KCNH3: variants seen among roughly 807,000 people sequenced by gnomAD.
KCNH3 encodes potassium voltage-gated channel subfamily H member 3.
KCNH3 carries 36 observed loss-of-function variants against 95.6 expected under a neutral mutation model. The observed-to-expected ratio is 0.38, with a 90% CI of 0.29 to 0.50. The LOEUF is 0.50. Ranked by LOEUF, KCNH3 falls within the 20% of genes least tolerant of loss-of-function variation. The probability of loss-of-function intolerance (pLI) is 0.95; values close to 1 mark genes in which losing one functional copy is unlikely to be tolerated. For synonymous variants in KCNH3, 620 were observed against 646.3 expected, an observed-to-expected ratio of 0.96 and a Z score of 0.62; for missense variants, 1,030 against 1,484.1, an observed-to-expected ratio of 0.69 and a Z score of 5.03.
chr12:49,551,570 G>A (rs145341510), intron 10 of KCNH3, among the ~76,000 whole-genome samples: 2,312 of 108,804 alleles, frequency 0.021, 79 homozygotes, highest in African/African-American at 0.086. Context: ...GCGAGACTCT[G>A]TCTCAAAAAA....
intron 7 of KCNH3, chr12:49,546,165 C>T (rs893420449): frequency 5.3e-5 from 8 of 152,138 alleles, no homozygotes; most frequent in African/African-American, 1.9e-4. Flanking sequence ...TTAAGAAGAC[C>T]TTCAGCTCCC....
intron 6 of KCNH3, 30 bp from the exon 7 acceptor site, chr12:49,544,145 T>TGCCCAACC: frequency 1.2e-6 from 1 of 818,374 alleles, no homozygotes; most frequent in Non-Finnish European, 2.0e-6. Context: ...CTGACCTCCC[T>TGCCCAACC]CCCTCCCTCC....
Position 49,557,513 on chromosome 12 carries a change from CTG to C in KCNH3, c.2819_2820del (p.Val940GlyfsTer71). On this transcript the variant is annotated frameshift_variant, in exon 15 of 15. Transcript: ENST00000257981. LOFTEE classifies it high-confidence loss of function. ...CAGCACCTCCGGGCTTCTGCAGCCTCTGTGTGTGGACACTGGGGCATCCTCCT... is the reference window on the plus strand; with the variant it reads ...CAGCACCTCCGGGCTTCTGCAGCCTCTGTGTGGACACTGGGGCATCCTCCT... ...PASTSGLLQPLCVDTGASSYC... is the reference protein window; with the variant it reads ...PASTSGLLQPXCVDTGASSYC... The C allele has an allele frequency of 6.2e-7, 1 of 1,611,856 alleles. No individual in the cohort carries two copies.
Position 49,555,903 on chromosome 12 carries a change from T to C in KCNH3, c.2420T>C (p.Leu807Pro), listed in dbSNP as rs200531817. 1.6e-5 allele frequency: 26 copies of C among 1,593,922 alleles called. No homozygotes were observed. In the East Asian group the frequency reaches 5.8e-4, roughly 36 times the overall value. ...PSAPPRALEG[L>P]RLPPMPWNVP... is the part of the protein sequence containing the mutation. Reference sequence around the variant, plus strand: ...GCTCCCCCACGGGCCCTAGAGGGGCTACGGCTGCCCCCCATGCCATGGAAT... The same window carrying C: ...GCTCCCCCACGGGCCCTAGAGGGGCCACGGCTGCCCCCCATGCCATGGAAT... Residue 807 changes from leucine to proline, a missense_variant, in exon 12 of 15, where the codon CTA becomes CCA. Coordinates refer to ENST00000257981, the MANE Select transcript of KCNH3 (RefSeq NM_012284.3).
intron 7 of KCNH3, 56 bp from the exon 8 acceptor site, chr12:49,548,839 C>T (rs1468828066): frequency 2.2e-5 from 32 of 1,482,854 alleles, no homozygotes; most frequent in Admixed American, 6.7e-5. Context: ...CCCCAGGGCC[C>T]GGCATCCTCG....
At position 49,542,770 on chromosome 12, in the gene KCNH3, C is replaced by A. The variant is rs1298717372; in HGVS notation, c.510C>A (p.Ser170Arg). Reference sequence around the variant, plus strand: ...GCTTCAATGCCAACCGGCGGCGGAGCCGGGCCGTGCTCTACCACCTGTCCG... The same window carrying A: ...GCTTCAATGCCAACCGGCGGCGGAGACGGGCCGTGCTCTACCACCTGTCCG... ...SKGFNANRRR[S>R]RAVLYHLSGH... The change falls in exon 4 of 15, where the codon AGC (serine) becomes AGA (arginine). Residue 170 changes from serine to arginine, a missense_variant. Ser to Arg is a moderately radical substitution (Grantham distance 110). Coordinates refer to ENST00000257981, the MANE Select transcript of KCNH3 (RefSeq NM_012284.3). 6.3e-7 allele frequency: 1 copy of A among 1,594,090 alleles called. No homozygotes were observed. The highest frequency in any genetic ancestry group is 1.3e-5 in the African/African-American group (1 of 74,798).
At chr12:49,555,284 C>CA (rs1157061451) in intron 11 of KCNH3, among the ~76,000 whole-genome samples, 6,447 of 66,860 alleles carry the variant, frequency 0.096, 241 homozygotes, top group Middle Eastern at 0.21. Context: ...ACTAAAAATA[C>CA]AAAAAAAAAA....
chr12:49,554,377 G>A lies in KCNH3; in HGVS notation c.1959G>A (p.Glu653=). 1.9e-6 allele frequency: 3 copies of A among 1,613,310 alleles called. No homozygotes were observed. Among genetic ancestry groups the A allele is most frequent in the Non-Finnish European group, 2.5e-6 (3 of 1,180,038 alleles). ...TCGGCTGTGAGCTGCCCCGGCGGGA[G>A]CAGGTGGTAAAGGCCAATGCCGACG... The part of the protein sequence containing the change: ...DLIGCELPRR[E]QVVKANADVK... Residue 653 remains glutamate (E), a synonymous_variant, in exon 11 of 15, where the codon GAG becomes GAA. Coordinates refer to ENST00000257981, the MANE Select transcript of KCNH3 (RefSeq NM_012284.3).
intron 5 of KCNH3, 145 bp from the exon 6 acceptor site, chr12:49,543,751 AAATAGGCAAAATGATGTCT>A: frequency 9.2e-7 from 1 of 1,092,190 alleles, no homozygotes; most frequent in Non-Finnish European, 1.3e-6. Flanking sequence ...CCCCTTTGTA[AAATAGGCAAAATGATGTCT>A]ACCTGTTACA....
Position 49,539,573 on chromosome 12 carries a change from C to G in KCNH3, c.76+81C>G, listed in dbSNP as rs1441446495. On this transcript the variant is annotated intron_variant, in intron 1 of 14. Coordinates refer to ENST00000257981, the MANE Select transcript of KCNH3 (RefSeq NM_012284.3). The surrounding 1 kb of genome is among the most constrained non-coding windows in gnomAD (Gnocchi z 6.7). ...CCGCCTTCCCCGAACCCCCAGCAGC[C>G]CAGCTTGGCGCCAGCCTATTCTCAC... 2 of 1,282,308 alleles carry G rather than the reference C, an allele frequency of 1.6e-6. No homozygotes were observed. Among genetic ancestry groups the G allele is most frequent in the Non-Finnish European group, 1.1e-6 (1 of 920,306 alleles). 79.4% of individuals were successfully genotyped at this position (1,282,308 alleles called of 1,614,324 possible). A position where few individuals can be genotyped will look rare whatever the true frequency, so the allele number is the denominator to read the frequency against.
intron 8 of KCNH3, 71 bp downstream of exon 8, chr12:49,549,244 C>T: frequency 1.3e-6 from 2 of 1,512,522 alleles, no homozygotes; most frequent in Non-Finnish European, 1.8e-6. Flanking sequence ...CCGTCCCACT[C>T]CCCGGAGGGC....
rs762162202 is a variant in KCNH3, at chr12:49,555,693, A to G, written c.2210A>G (p.Gln737Arg). The G allele has an allele frequency of 1.9e-6, 3 of 1,608,452 alleles. No homozygotes were observed. In the South Asian group the frequency reaches 3.3e-5, roughly 18 times the overall value. Reference sequence around the variant, plus strand: ...GAGGAGAAGGAGACAGATGGGGAGCAGGGCCCCACGGTCTCCCCAGCCCCA... The same window carrying G: ...GAGGAGAAGGAGACAGATGGGGAGCGGGGCCCCACGGTCTCCCCAGCCCCA... ...TLEEKETDGE[Q>R]GPTVSPAPAD... is the part of the protein sequence containing the mutation. The change falls in exon 12 of 15, where the codon CAG (glutamine) becomes CGG (arginine). Residue 737 changes from glutamine (Q) to arginine (R), a missense_variant. By Grantham distance (43) the Gln-to-Arg change is conservative. This residue lies in a region of KCNH3 where 464 missense variants were observed against 493.2 expected (regional missense o/e 0.94). Transcript: ENST00000257981.
At chr12:49,547,688 A>G (rs1489875176) in intron 7 of KCNH3, among the ~76,000 whole-genome samples, 5 of 152,240 alleles carry the variant, frequency 3.3e-5, no homozygotes, top group Admixed American at 6.5e-5. Context: ...TGTGCGGGCC[A>G]CAGGACCCAT....
Position 49,549,172 on chromosome 12 carries a change from C to A in KCNH3, c.1467C>A (p.Gly489=). 1 of 1,580,042 alleles carries A rather than the reference C, an allele frequency of 6.3e-7. No individual in the cohort carries two copies. Among genetic ancestry groups the A allele is most frequent in the Non-Finnish European group, 8.6e-7 (1 of 1,160,894 alleles). The change falls in exon 8 of 15, where the codon GGC becomes GGA. Residue 489 remains glycine (G), a splice_region_variant and synonymous_variant. Coordinates refer to ENST00000257981, the MANE Select transcript of KCNH3 (RefSeq NM_012284.3). The stretch of plus-strand genomic sequence containing the variant: ...TCTCCATCTGCACCATGCTCATCGG[C>A]GGTGAGCCCGGCCGCGCGCGTCTTC... ...KIFSICTMLI[G]ALMHAVVFGN... is the part of the protein sequence containing the mutation.
In KCNH3 at chr12:49,549,130, G is replaced by A. The variant is rs765673802; in HGVS notation, c.1425G>A (p.Thr475=). The part of the protein sequence containing the change: ...SVGFGNVSAN[T]DTEKIFSICT... ...GCTTCGGCAACGTGTCCGCCAACAC[G>A]GACACCGAGAAGATCTTCTCCATCT... The change falls in exon 8 of 15, where the codon ACG becomes ACA. Residue 475 remains threonine (T), a synonymous_variant. Coordinates refer to ENST00000257981, the MANE Select transcript of KCNH3 (RefSeq NM_012284.3). 1.1e-5 allele frequency: 18 copies of A among 1,611,328 alleles called. No homozygotes were observed. In the Admixed American group the frequency reaches 2.8e-4, roughly 25 times the overall value.
At chr12:49,545,194 C>T (rs1462193463) in intron 7 of KCNH3, among the ~76,000 whole-genome samples, 1 of 152,162 alleles carries the variant, frequency 6.6e-6, no homozygotes, top group African/African-American at 2.4e-5. Context: ...TCTCCCCCTT[C>T]ACCTTGCTTT....
Position 49,543,954 on chromosome 12 carries a change from C to T in KCNH3, c.863C>T (p.Ser288Leu), listed in dbSNP as rs750007551. The T allele has an allele frequency of 5.6e-6, 9 of 1,612,940 alleles. No individual in the cohort carries two copies. The highest frequency in any genetic ancestry group is 4.5e-5 in the East Asian group (2 of 44,846). Residue 288 changes from serine to leucine, a missense_variant, in exon 6 of 15, where the codon TCG becomes TTG. This residue lies in a region of KCNH3 where 153 missense variants were observed against 288.5 expected (regional missense o/e 0.53). Coordinates refer to ENST00000257981, the MANE Select transcript of KCNH3 (RefSeq NM_012284.3). ...TTCCGTACCACATTCGTGTCCAAGT[C>T]GGGCCAGGTGGTGTTTGCCCCAAAG... Reference protein sequence around the residue: ...LNFRTTFVSKSGQVVFAPKSI... With the variant: ...LNFRTTFVSKLGQVVFAPKSI...
chr12:49,540,850 C>T, intron 1 of KCNH3, 49 bp from the exon 2 acceptor site: 1 of 1,469,416 alleles, frequency 6.8e-7, no homozygotes. Flanking sequence ...GGGTGGTAGG[C>T]CTCCTGCCCC....
intron 11 of KCNH3, 80 bp downstream of exon 11, chr12:49,554,634 G>A: frequency 7.9e-7 from 1 of 1,272,160 alleles, no homozygotes; most frequent in Non-Finnish European, 1.1e-6. Context: ...GGGGATGGTG[G>A]AGAGCTGTGT....
Sources: allele counts gnomAD v4.1 joint callset (sites outside exome capture counted in the v4.1 genomes callset), GRCh38; gene constraint gnomAD v4.1.1; regional missense constraint gnomAD v4.1.1; non-coding constraint Gnocchi (gnomAD v3.1); transcripts MANE v1.5; gene names NCBI Gene and HGNC (gene_info 2026-07-23, HGNC 2026-07-21).